Variants in SULF1 observed in about 807,000 individuals in gnomAD.
SULF1 encodes sulfatase 1.
In SULF1, 46 loss-of-function variants were observed where a neutral mutation model predicts 110.5. That is an observed-to-expected ratio of 0.42 (90% confidence interval 0.33 to 0.53). The LOEUF (loss-of-function observed/expected upper bound fraction) is 0.53, where lower values mean the gene tolerates loss of function less well. Ranked by LOEUF, SULF1 falls within the 20% of genes least tolerant of loss-of-function variation. The pLI, the probability that SULF1 is intolerant of heterozygous loss-of-function variation, is 0.12. For synonymous variants in SULF1, 371 were observed against 387.1 expected (o/e 0.96, Z 0.49); for missense variants, 941 against 1,094.2 (o/e 0.86, Z 1.98).
At chr8:69,617,401 A>G (rs865990767) in intron 13 of SULF1, among the ~76,000 whole-genome samples, 23 of 53,352 alleles carry the variant, frequency 4.3e-4, no homozygotes, top group South Asian at 6.7e-4. Context: ...ATATATATAT[A>G]TATATATATA....
intron 13 of SULF1, among the ~76,000 whole-genome samples, chr8:69,613,168 T>C (rs1337831366): frequency 6.6e-6 from 1 of 152,152 alleles, no homozygotes; most frequent in Non-Finnish European, 1.5e-5. Flanking sequence ...TGGTGGTAAG[T>C]ATTTGGCTTT....
chr8:69,601,766 C>T lies in SULF1; in HGVS notation c.998C>T (p.Pro333Leu). The T allele has an allele frequency of 6.2e-7, 1 of 1,612,810 alleles. No homozygotes were observed. Among genetic ancestry groups the T allele is most frequent in the Non-Finnish European group, 8.5e-7 (1 of 1,179,538 alleles). ...GGACTGGTCAAGGGGAAATCCATGC[C>T]ATATGACTTTGATATTCGTGTGCCT... ...QFGLVKGKSMPYDFDIRVPFF... is the reference protein window; with the variant it reads ...QFGLVKGKSMLYDFDIRVPFF... Residue 333 changes from proline (P) to leucine (L), a missense_variant, in exon 10 of 23, where the codon CCA becomes CTA. By Grantham distance (98) the Pro-to-Leu change is moderately conservative. Coordinates refer to ENST00000402687, the MANE Select transcript of SULF1 (RefSeq NM_001128205.2).
intron 3 of SULF1, among the ~76,000 whole-genome samples, chr8:69,506,534 G>A (rs1811210352): frequency 6.6e-6 from 1 of 152,206 alleles, no homozygotes; most frequent in Non-Finnish European, 1.5e-5. Flanking sequence ...CCAATTGGAT[G>A]AGAAACATTG....
At chr8:69,629,811 A>C in intron 19 of SULF1, 132 bp downstream of exon 19, 1 of 793,062 alleles carries the variant, frequency 1.3e-6, no homozygotes, top group East Asian at 2.7e-5. Flanking sequence ...TCTACTCTAT[A>C]CTGGAAACTC....
At chr8:69,478,788 G>C (rs1301212928) in intron 1 of SULF1, among the ~76,000 whole-genome samples, 1 of 151,756 alleles carries the variant, frequency 6.6e-6, no homozygotes, top group African/African-American at 2.4e-5. Context: ...CTTATATTTT[G>C]AGAAACAGTA....
At chr8:69,628,451 G>A (rs1810270433) in intron 18 of SULF1, among the ~76,000 whole-genome samples, 1 of 152,144 alleles carries the variant, frequency 6.6e-6, no homozygotes, top group Non-Finnish European at 1.5e-5. Context: ...GGGGAGGCTT[G>A]CTGAACTCCA....
intron 13 of SULF1, among the ~76,000 whole-genome samples, chr8:69,619,386 G>A (rs1282032521): frequency 6.6e-6 from 1 of 152,204 alleles, no homozygotes; most frequent in Non-Finnish European, 1.5e-5. Flanking sequence ...GTAGGGAGAA[G>A]GGGGAAAATA....
chr8:69,483,622 A>G (rs567899946), intron 1 of SULF1, among the ~76,000 whole-genome samples: 2 of 152,188 alleles, frequency 1.3e-5, no homozygotes, highest in Non-Finnish European at 2.9e-5. Context: ...ATTTCGCAAT[A>G]GAAAAGCAAT....
intron 3 of SULF1, among the ~76,000 whole-genome samples, chr8:69,555,805 C>T (rs1285420514): frequency 6.6e-6 from 1 of 152,082 alleles, no homozygotes; most frequent in Non-Finnish European, 1.5e-5. Flanking sequence ...AACCATTTCT[C>T]GTAGTACAAG....
intron 8 of SULF1, chr8:69,597,437 G>A (rs1015282076): frequency 1.3e-5 from 2 of 152,194 alleles, no homozygotes; most frequent in Non-Finnish European, 2.9e-5. Context: ...CAGAGCTGGG[G>A]GTCATCTCCC....
intron 2 of SULF1, among the ~76,000 whole-genome samples, 159 bp downstream of exon 2, chr8:69,496,085 C>G (rs1810331942): frequency 6.6e-6 from 1 of 152,216 alleles, no homozygotes; most frequent in South Asian, 2.1e-4. Context: ...CCCTTTCACC[C>G]TTTCTGTGCT....
At chr8:69,632,353 A>G (rs973690092) in intron 19 of SULF1, among the ~76,000 whole-genome samples, 1 of 152,174 alleles carries the variant, frequency 6.6e-6, no homozygotes, top group Non-Finnish European at 1.5e-5. Context: ...TCCTGTACAC[A>G]TATGTGCACA....
intron 3 of SULF1, among the ~76,000 whole-genome samples, chr8:69,537,213 AAGG>A (rs1813482587): frequency 6.6e-6 from 1 of 152,098 alleles, no homozygotes; most frequent in African/African-American, 2.4e-5. Flanking sequence ...CTGCTGGTGG[AAGG>A]AGATTAGCTA....
intron 3 of SULF1, among the ~76,000 whole-genome samples, chr8:69,547,508 T>G (rs1814352909): frequency 6.6e-6 from 1 of 152,190 alleles, no homozygotes; most frequent in African/African-American, 2.4e-5. Context: ...TGGAAACGTT[T>G]GACTTTCATC....
chr8:69,573,364 T>C lies in SULF1; in HGVS notation c.173-2606T>C, dbSNP rs540470845. Among the ~76,000 whole-genome samples the C allele has an allele frequency of 1.3e-4, 20 of 152,330 alleles. No homozygotes were observed. The South Asian group carries it at 4.1e-3, about 32-fold the overall frequency. ...AGCAGTGATGAATTGGGATAAGTTT[T>C]AGCCCCTGTTTTTATATTATTTTGA... On this transcript the variant is annotated intron_variant, in intron 5 of 22. Coordinates refer to ENST00000402687, the MANE Select transcript of SULF1 (RefSeq NM_001128205.2).
At chr8:69,551,816 G>C (rs1814735898) in intron 3 of SULF1, among the ~76,000 whole-genome samples, 1 of 152,172 alleles carries the variant, frequency 6.6e-6, no homozygotes, top group South Asian at 2.1e-4. Flanking sequence ...TTAAGGCCGG[G>C]TGCGGTGGCT....
Position 69,586,630 on chromosome 8 carries a change from G to A in SULF1, c.564+122G>A, listed in dbSNP as rs1298393801. ...CTATGTTCTCACAATGTTAGCATGA[G>A]AAATGTTAAGGTAATTTTAAACTCT... is the stretch of plus-strand genomic sequence containing the variant. On this transcript the variant is annotated intron_variant, in intron 7 of 22. Transcript: ENST00000402687. The A allele has an allele frequency of 4.5e-6, 5 of 1,117,428 alleles. No individual in the cohort carries two copies. In the East Asian group the frequency reaches 1.3e-4, roughly 30 times the overall value. 69.2% of individuals were successfully genotyped at this position (1,117,428 alleles called of 1,614,324 possible).
chr8:69,639,445 G>A (rs1380723858), intron 21 of SULF1, among the ~76,000 whole-genome samples: 3 of 152,224 alleles, frequency 2.0e-5, no homozygotes, highest in Admixed American at 1.3e-4. Context: ...CCAGCTATGT[G>A]TGTTAAACTG....
chr8:69,623,552 A>C (rs927777131), intron 14 of SULF1, among the ~76,000 whole-genome samples: 1 of 152,248 alleles, frequency 6.6e-6, no homozygotes, highest in African/African-American at 2.4e-5. Flanking sequence ...TAACACCATA[A>C]TTGGGAATAT....
Sources: allele counts gnomAD v4.1 joint callset (sites outside exome capture counted in the v4.1 genomes callset), GRCh38; gene constraint gnomAD v4.1.1; transcripts MANE v1.5; gene names NCBI Gene and HGNC (gene_info 2026-07-23, HGNC 2026-07-21).